MCTP1: variants seen among roughly 807,000 people sequenced by gnomAD.
MCTP1 encodes multiple C2 and transmembrane domain containing 1, also known as multiple C2 and transmembrane domain-containing protein 1.
MCTP1 carries 69 observed loss-of-function variants against 120.6 expected under a neutral mutation model. The observed-to-expected ratio is 0.57, with a 90% CI of 0.47 to 0.70. The LOEUF is 0.70. Ranked by LOEUF, MCTP1 falls within the 30% of genes least tolerant of loss-of-function variation. The pLI is 0.00. For synonymous variants in MCTP1, 529 were observed against 493.1 expected (o/e 1.07, Z -0.96); for missense variants, 1,203 against 1,248.8 (o/e 0.96, Z 0.55).
At chr5:94,754,520 C>A (rs948902343) in intron 19 of MCTP1, among the ~76,000 whole-genome samples, 4 of 152,174 alleles carry the variant, frequency 2.6e-5, no homozygotes, top group African/African-American at 9.7e-5. Context: ...CTGCAATTTA[C>A]AACTCTTTGA....
In MCTP1 at chr5:94,707,375, T is replaced by C; in HGVS notation, c.*121A>G. Reference sequence around the variant, plus strand: ...CTTTGTACACTATTTACAGATTCTCTCGATCATGATAAAAAGGCAAAATAA... The same window carrying C: ...CTTTGTACACTATTTACAGATTCTCCCGATCATGATAAAAAGGCAAAATAA... On this transcript the variant is annotated 3_prime_UTR_variant, in exon 23 of 23. Transcript: ENST00000515393. 7 of 712,144 alleles carry C rather than the reference T, an allele frequency of 9.8e-6. No homozygotes were observed. 44.1% of individuals were successfully genotyped at this position (712,144 alleles called of 1,614,324 possible).
intron 1 of MCTP1, among the ~76,000 whole-genome samples, chr5:95,076,247 C>T (rs1400631486): frequency 6.6e-6 from 1 of 152,084 alleles, no homozygotes; most frequent in African/African-American, 2.4e-5. Flanking sequence ...CCATGGGTAA[C>T]TGAAACCTTG....
chr5:95,011,492 G>A (rs1409398991), intron 2 of MCTP1, among the ~76,000 whole-genome samples: 1 of 152,034 alleles, frequency 6.6e-6, no homozygotes, highest in Non-Finnish European at 1.5e-5. Context: ...TAATGTTGGG[G>A]GGAGGGACCT....
rs1412648306 is a variant in MCTP1, at chr5:95,004,801, A to T, written c.838+12566T>A. Among the ~76,000 whole-genome samples, 5 of 152,366 alleles carry T rather than the reference A, an allele frequency of 3.3e-5. No homozygotes were observed. In the East Asian group the frequency reaches 9.6e-4, roughly 29 times the overall value. On this transcript the variant is annotated intron_variant, in intron 2 of 22. Transcript: ENST00000515393. ...AGGCAGAAGCCCACTGCAAAAGCAG[A>T]GTCCCCATGGAGAACCTCTACTAGG...
At chr5:94,838,706 C>T (rs892454545) in intron 17 of MCTP1, among the ~76,000 whole-genome samples, 3 of 152,162 alleles carry the variant, frequency 2.0e-5, no homozygotes, top group Non-Finnish European at 4.4e-5. Context: ...GGAAGTGCTC[C>T]ATAGATAAAT....
At chr5:94,859,580 T>A (rs1424720974) in intron 17 of MCTP1, among the ~76,000 whole-genome samples, 1 of 151,768 alleles carries the variant, frequency 6.6e-6, no homozygotes, top group African/African-American at 2.4e-5. Flanking sequence ...ACGATTATTT[T>A]GTGTTAATTA....
chr5:94,921,756 G>A (rs1811715591), intron 7 of MCTP1, among the ~76,000 whole-genome samples: 1 of 152,208 alleles, frequency 6.6e-6, no homozygotes. Flanking sequence ...ATCAGACACA[G>A]CAATCTCATG....
At chr5:95,229,406 A>G (rs1167780902) in intron 1 of MCTP1, among the ~76,000 whole-genome samples, 1 of 152,164 alleles carries the variant, frequency 6.6e-6, no homozygotes, top group African/African-American at 2.4e-5. Context: ...CCTCTAAGAT[A>G]CCCCAAAGCA....
chr5:95,184,944 C>CCTAT (rs1749033335), intron 1 of MCTP1, among the ~76,000 whole-genome samples: 1 of 152,152 alleles, frequency 6.6e-6, no homozygotes, highest in Admixed American at 6.5e-5. Context: ...TTCCCAAGGC[C>CCTAT]CTATCTGCCA....
intron 19 of MCTP1, among the ~76,000 whole-genome samples, chr5:94,740,085 T>G (rs1765166787): frequency 6.6e-6 from 1 of 152,258 alleles, no homozygotes; most frequent in Non-Finnish European, 1.5e-5. Flanking sequence ...GTATTGGAAA[T>G]ATATGTATAT....
intron 1 of MCTP1, among the ~76,000 whole-genome samples, chr5:95,200,212 A>G (rs1750861041): frequency 6.6e-6 from 1 of 152,046 alleles, no homozygotes; most frequent in Admixed American, 6.6e-5. Context: ...ATTGACAAGG[A>G]TGTGAAGAAA....
At position 94,911,792 on chromosome 5, in the gene MCTP1, T is replaced by C. The variant is rs558438093; in HGVS notation, c.1521+1014A>G. Among the ~76,000 whole-genome samples, 9 of 152,284 alleles carry C rather than the reference T, an allele frequency of 5.9e-5. No individual in the cohort carries two copies. In the East Asian group the frequency reaches 1.7e-3, roughly 29 times the overall value. On this transcript the variant is annotated intron_variant, in intron 9 of 22. Transcript: ENST00000515393. ...TTATATTACTAATATTATTGTTTAATACATTATTACTACTACTATAATTGA... is the reference window on the plus strand; with the variant it reads ...TTATATTACTAATATTATTGTTTAACACATTATTACTACTACTATAATTGA...
intron 2 of MCTP1, among the ~76,000 whole-genome samples, chr5:94,990,660 C>T (rs1831361566): frequency 6.6e-6 from 1 of 152,178 alleles, no homozygotes; most frequent in Non-Finnish European, 1.5e-5. Flanking sequence ...AGCACAATCA[C>T]AAGAGTGATA....
At chr5:95,182,530 T>C (rs1390450944) in intron 1 of MCTP1, among the ~76,000 whole-genome samples, 1 of 152,236 alleles carries the variant, frequency 6.6e-6, no homozygotes, top group Non-Finnish European at 1.5e-5. Context: ...CTTTCATAAC[T>C]TTAAGCAGTA....
At chr5:94,825,774 C>T (rs1786908133) in intron 17 of MCTP1, among the ~76,000 whole-genome samples, 1 of 152,000 alleles carries the variant, frequency 6.6e-6, no homozygotes, top group Non-Finnish European at 1.5e-5. Context: ...CATATATACA[C>T]ACACACACAC....
chr5:94,754,459 G>C (rs555131236), intron 19 of MCTP1, among the ~76,000 whole-genome samples: 2 of 152,332 alleles, frequency 1.3e-5, no homozygotes, highest in African/African-American at 4.8e-5. Context: ...AAGTCAGAAT[G>C]CTAAGCAATA....
At chr5:95,072,159 G>C (rs1752353558) in intron 1 of MCTP1, among the ~76,000 whole-genome samples, 1 of 150,066 alleles carries the variant, frequency 6.7e-6, no homozygotes, top group African/African-American at 2.5e-5. Flanking sequence ...ATTTGGCTTT[G>C]GTTCTGGAAG....
intron 1 of MCTP1, among the ~76,000 whole-genome samples, chr5:95,186,294 C>T (rs1749208521): frequency 6.6e-6 from 1 of 150,926 alleles, no homozygotes; most frequent in African/African-American, 2.4e-5. Context: ...AAAAAAAACT[C>T]CCAGACCTAA....
At chr5:94,900,338 A>T (rs1299415908) in intron 10 of MCTP1, among the ~76,000 whole-genome samples, 4 of 152,352 alleles carry the variant, frequency 2.6e-5, no homozygotes, top group Admixed American at 2.0e-4. Flanking sequence ...TATTCTCAGC[A>T]CGTGGCACAC....
Sources: gnomAD v4.1 joint callset for allele counts (sites outside exome capture counted in the v4.1 genomes callset) on GRCh38, gnomAD v4.1.1 for gene constraint, MANE v1.5 for transcripts, NCBI Gene and HGNC (gene_info 2026-07-23, HGNC 2026-07-21) for gene names.